NKAIN2: variants seen among roughly 807,000 people sequenced by gnomAD.
NKAIN2 encodes sodium/potassium transporting ATPase interacting 2.
In NKAIN2, 14 loss-of-function variants were observed where a neutral mutation model predicts 32.6. That is an observed-to-expected ratio of 0.43 (90% CI 0.28 to 0.67). The LOEUF is 0.67. Ranked by LOEUF, NKAIN2 falls within the 30% of genes least tolerant of loss-of-function variation. The pLI is 0.17. For missense variants in NKAIN2, 198 were observed against 258.3 expected (o/e 0.77, Z 1.60); for synonymous variants, 80 against 87.2 (o/e 0.92, Z 0.46).
At chr6:124,818,286 A>G (rs950374921) in intron 5 of NKAIN2, 101 bp from the exon 6 acceptor site, 12 of 497,794 alleles carry the variant, frequency 2.4e-5, no homozygotes, top group African/African-American at 2.0e-4. Flanking sequence ...GAAGTTTAAT[A>G]GATTATTACT....
At chr6:124,176,089 G>T (rs959365919) in intron 1 of NKAIN2, among the ~76,000 whole-genome samples, 6 of 152,064 alleles carry the variant, frequency 3.9e-5, no homozygotes, top group Non-Finnish European at 8.8e-5. Flanking sequence ...CAAATCTTTT[G>T]GTTTTCCAGT....
intron 1 of NKAIN2, among the ~76,000 whole-genome samples, chr6:123,988,351 C>A (rs924583414): frequency 4.6e-5 from 7 of 152,090 alleles, no homozygotes; most frequent in African/African-American, 1.7e-4. Context: ...GGACATTCCA[C>A]AAATAAAAAT....
intron 4 of NKAIN2, among the ~76,000 whole-genome samples, chr6:124,661,335 T>C (rs1458725512): frequency 2.0e-5 from 3 of 152,244 alleles, no homozygotes; most frequent in Non-Finnish European, 4.4e-5. Flanking sequence ...GGCTTAGATC[T>C]GCTTTCATAA....
At chr6:124,638,572 A>G (rs571603597) in intron 3 of NKAIN2, among the ~76,000 whole-genome samples, 2 of 152,218 alleles carry the variant, frequency 1.3e-5, no homozygotes, top group Non-Finnish European at 2.9e-5. Flanking sequence ...AACAACAACA[A>G]CAGCAAAAAA....
chr6:124,429,284 A>G (rs982137907), intron 3 of NKAIN2, among the ~76,000 whole-genome samples: 2 of 151,408 alleles, frequency 1.3e-5, no homozygotes, highest in Non-Finnish European at 2.9e-5. Context: ...CTGACCTCAT[A>G]TGATTCACCT....
At chr6:124,052,492 A>T (rs1782459964) in intron 1 of NKAIN2, among the ~76,000 whole-genome samples, 1 of 152,090 alleles carries the variant, frequency 6.6e-6, no homozygotes, top group Admixed American at 6.6e-5. Context: ...AGTGTGTTTC[A>T]ACTGCCTTTC....
chr6:123,991,298 T>C (rs1779398511), intron 1 of NKAIN2, among the ~76,000 whole-genome samples: 2 of 152,166 alleles, frequency 1.3e-5, no homozygotes, highest in Non-Finnish European at 2.9e-5. Context: ...TTCCACACTT[T>C]AGAGCTGGTT....
chr6:124,129,856 T>C (rs1786369217), intron 1 of NKAIN2, among the ~76,000 whole-genome samples: 1 of 152,140 alleles, frequency 6.6e-6, no homozygotes, highest in African/African-American at 2.4e-5. Flanking sequence ...TGACCTCAGG[T>C]AATCTGCCTG....
chr6:124,464,287 C>T (rs1455887762), intron 3 of NKAIN2, among the ~76,000 whole-genome samples: 1 of 152,058 alleles, frequency 6.6e-6, no homozygotes. Flanking sequence ...GCCTGAATGG[C>T]ATTTTTAATG....
chr6:124,192,843 G>A (rs1403887288), intron 1 of NKAIN2, among the ~76,000 whole-genome samples: 2 of 138,750 alleles, frequency 1.4e-5, no homozygotes, highest in Non-Finnish European at 1.5e-5. Context: ...TCCGCCTCCC[G>A]GGTTCACGCC....
At chr6:124,223,331 TTG>T (rs1791934966) in intron 1 of NKAIN2, among the ~76,000 whole-genome samples, 2 of 152,008 alleles carry the variant, frequency 1.3e-5, no homozygotes, top group African/African-American at 4.8e-5. Context: ...TAAGGCATGT[TTG>T]TATGCTAATG....
chr6:124,010,679 C>A (rs1780282253), intron 1 of NKAIN2, among the ~76,000 whole-genome samples: 1 of 151,634 alleles, frequency 6.6e-6, no homozygotes, highest in Admixed American at 6.6e-5. Context: ...GCAGTGTGGG[C>A]TTTTGAAGAT....
chr6:124,264,725 T>G lies in NKAIN2; in HGVS notation c.55-18280T>G, dbSNP rs527282923. Among the ~76,000 whole-genome samples, 13 of 152,320 alleles carry G rather than the reference T, an allele frequency of 8.5e-5. No homozygotes were observed. The South Asian group carries it at 2.3e-3, about 27-fold the overall frequency. ...CATAGCCTTATCATTTTTGCATTTT[T>G]GTGATAAATTCTTGAGTAGGGCAGC... On this transcript the variant is annotated intron_variant, in intron 1 of 6. Transcript: ENST00000368417.
chr6:124,419,713 CCT>C (rs1462905301), intron 3 of NKAIN2, among the ~76,000 whole-genome samples: 2 of 152,046 alleles, frequency 1.3e-5, no homozygotes, highest in African/African-American at 2.4e-5. Context: ...GTCTACATTC[CCT>C]CTTTGTTCCT....
At chr6:123,957,603 C>T (rs73555237) in intron 1 of NKAIN2, among the ~76,000 whole-genome samples, 3,669 of 152,156 alleles carry the variant, frequency 0.024, 152 homozygotes, top group African/African-American at 0.083. Flanking sequence ...TCAACTCAAC[C>T]GCCAGCTCTT....
intron 1 of NKAIN2, among the ~76,000 whole-genome samples, chr6:124,032,723 A>T (rs1377674427): frequency 6.6e-6 from 1 of 152,090 alleles, no homozygotes; most frequent in Non-Finnish European, 1.5e-5. Context: ...TTAAAACATT[A>T]TTTTATTTTT....
chr6:124,080,224 C>G lies in NKAIN2; in HGVS notation c.55-202781C>G, dbSNP rs143088193. On this transcript the variant is annotated intron_variant, in intron 1 of 6. Transcript: ENST00000368417. Reference sequence around the variant, plus strand: ...CCCATCTCTCCTTGGGACTCTACTTCTGTAAGGGGAAGATACAGTACAATT... The same window carrying G: ...CCCATCTCTCCTTGGGACTCTACTTGTGTAAGGGGAAGATACAGTACAATT... 7.9e-3 allele frequency among the ~76,000 whole-genome samples: 1,205 copies of G among 152,182 alleles called. 17 individuals are homozygous for G. Among genetic ancestry groups the G allele is most frequent in the African/African-American group, 0.028 (1,157 of 41,508 alleles).
At chr6:124,796,967 T>C (rs1333431056) in intron 5 of NKAIN2, among the ~76,000 whole-genome samples, 1 of 152,086 alleles carries the variant, frequency 6.6e-6, no homozygotes, top group Non-Finnish European at 1.5e-5. Flanking sequence ...AGAAAATGTT[T>C]GGAGATTCCT....
intron 3 of NKAIN2, among the ~76,000 whole-genome samples, chr6:124,464,807 C>T (rs1776676786): frequency 6.6e-6 from 1 of 152,004 alleles, no homozygotes; most frequent in Non-Finnish European, 1.5e-5. Flanking sequence ...CGTGATGCCT[C>T]CAGTTTTGTT....
Sources: allele counts gnomAD v4.1 joint callset (sites outside exome capture counted in the v4.1 genomes callset), GRCh38; gene constraint gnomAD v4.1.1; transcripts MANE v1.5; gene names NCBI Gene and HGNC (gene_info 2026-07-23, HGNC 2026-07-21).